Variants in SSBP3 observed in about 807,000 individuals in gnomAD.
SSBP3 encodes single stranded DNA binding protein 3, also known as single-stranded DNA-binding protein 3.
SSBP3 carries 5 observed loss-of-function variants against 69.6 expected under a neutral mutation model. The ratio of observed to expected loss-of-function variants is 0.07; its 90% confidence interval spans 0.04 to 0.15. SSBP3 has a LOEUF of 0.15. Ranked by LOEUF, SSBP3 falls within the 10% of genes least tolerant of loss-of-function variation. The pLI is 1.00. For synonymous variants in SSBP3, 196 were observed against 193.4 expected (o/e 1.01, Z -0.11); for missense variants, 312 against 534.0 (o/e 0.58, Z 4.10).
At chr1:54,237,723 G>C in intron 14 of SSBP3, 1 of 162,870 alleles carries the variant, frequency 6.1e-6, no homozygotes, top group East Asian at 1.7e-4. Flanking sequence ...AGGAAATACA[G>C]TCACAATATT....
At chr1:54,387,076 T>A (rs1261207225) in intron 4 of SSBP3, among the ~76,000 whole-genome samples, 1 of 152,226 alleles carries the variant, frequency 6.6e-6, no homozygotes, top group Non-Finnish European at 1.5e-5. Context: ...TCCATCCGTC[T>A]GTCTTCCTGG....
chr1:54,395,482 C>A (rs1648797678), intron 4 of SSBP3, among the ~76,000 whole-genome samples: 1 of 152,224 alleles, frequency 6.6e-6, no homozygotes, highest in African/African-American at 2.4e-5. Flanking sequence ...GCACAGACAT[C>A]TCAGAGACGC....
At chr1:54,357,039 G>A (rs201248899) in intron 4 of SSBP3, among the ~76,000 whole-genome samples, 4 of 151,996 alleles carry the variant, frequency 2.6e-5, no homozygotes, top group African/African-American at 9.7e-5. Flanking sequence ...GCTCACAGGG[G>A]TAACAGAGGC....
At chr1:54,277,036 TC>T (rs1004730152) in intron 5 of SSBP3, among the ~76,000 whole-genome samples, 5 of 152,110 alleles carry the variant, frequency 3.3e-5, no homozygotes, top group African/African-American at 1.2e-4. Context: ...TATGGTTGAT[TC>T]AGTTCGAGCC....
chr1:54,397,691 T>C (rs1033817153), intron 4 of SSBP3, among the ~76,000 whole-genome samples: 2 of 152,170 alleles, frequency 1.3e-5, no homozygotes, highest in East Asian at 3.8e-4. Flanking sequence ...TGGAACTCCA[T>C]GTCCATTTCA....
Position 54,355,935 on chromosome 1 carries a change from C to T in SSBP3, c.276+45926G>A, listed in dbSNP as rs184151298. Among the ~76,000 whole-genome samples, 91 of 152,318 alleles carry T rather than the reference C, an allele frequency of 6.0e-4. 2 individuals carry two copies. The highest frequency in any genetic ancestry group is 5.6e-4 in the Non-Finnish European group (38 of 68,024). On this transcript the variant is annotated intron_variant, in intron 4 of 17. Transcript: ENST00000610401. ...GGCCAGACCCCATTAACGCAGTGCTCGTGCCATCAACACTGTTGTTTTGGA... is the reference window on the plus strand; with the variant it reads ...GGCCAGACCCCATTAACGCAGTGCTTGTGCCATCAACACTGTTGTTTTGGA...
intron 4 of SSBP3, among the ~76,000 whole-genome samples, chr1:54,381,122 C>T (rs751381963): frequency 6.6e-6 from 1 of 151,896 alleles, no homozygotes; most frequent in Non-Finnish European, 1.5e-5. Flanking sequence ...TGGTGACTCA[C>T]GCCTGTAATC....
intron 14 of SSBP3, among the ~76,000 whole-genome samples, chr1:54,232,646 G>A (rs149864731): frequency 0.016 from 2,449 of 151,848 alleles, 68 homozygotes; most frequent in African/African-American, 0.056. Flanking sequence ...ATGCGGAGCC[G>A]AAGCTGGACT....
chr1:54,269,572 T>A (rs1346102273), intron 5 of SSBP3, among the ~76,000 whole-genome samples: 1 of 152,228 alleles, frequency 6.6e-6, no homozygotes, highest in Non-Finnish European at 1.5e-5. Flanking sequence ...TAGATACGCA[T>A]GTTGGACATA....
chr1:54,292,189 C>A (rs2100950915), intron 4 of SSBP3, among the ~76,000 whole-genome samples: 1 of 152,328 alleles, frequency 6.6e-6, no homozygotes, highest in African/African-American at 2.4e-5. Context: ...GGGAGGAATG[C>A]AACAGTTGGT....
In SSBP3 at chr1:54,316,649, AAAAAAAAAAAT is replaced by A. The variant is rs1179140157; in HGVS notation, c.277-35133_277-35123del. Among the ~76,000 whole-genome samples the A allele has an allele frequency of 3.0e-3, 149 of 49,490 alleles. 5 individuals carry two copies. The East Asian group carries it at 0.033, about 11-fold the overall frequency. The allele number at this position is 49,490 out of a possible 152,430, so 32.5% of individuals were successfully genotyped here. A position where few individuals can be genotyped will look rare whatever the true frequency, so the allele number is the denominator to read the frequency against. Reference sequence around the variant, plus strand: ...GGCGACAGAGCGAGACTCCGTCTCAAAAAAAAAAAATAAAATAAATAAATAAATAAATAAAT... The same window carrying A: ...GGCGACAGAGCGAGACTCCGTCTCAAAAAATAAATAAATAAATAAATAAAT... On this transcript the variant is annotated intron_variant, in intron 4 of 17. Coordinates refer to ENST00000610401, the Ensembl canonical transcript of SSBP3.
chr1:54,280,704 G>C lies in SSBP3; in HGVS notation c.366+734C>G, dbSNP rs1471736830. ...GGCTTAAATCACATGAACCGCCGAG[G>C]AGAAGGTAGAGACAGAGGAGGCGGC... On this transcript the variant is annotated intron_variant, in intron 5 of 17. Coordinates refer to ENST00000610401, the Ensembl canonical transcript of SSBP3. Among the ~76,000 whole-genome samples, 6 of 152,210 alleles carry C rather than the reference G, an allele frequency of 3.9e-5. No individual in the cohort carries two copies. The East Asian group carries it at 9.6e-4, about 24-fold the overall frequency.
chr1:54,326,285 C>G (rs372049783), intron 4 of SSBP3: 2 of 152,484 alleles, frequency 1.3e-5, no homozygotes, highest in East Asian at 3.9e-4. Context: ...CAGCCCCCAC[C>G]GTCATGCCCA....
intron 4 of SSBP3, among the ~76,000 whole-genome samples, chr1:54,392,753 G>T (rs1648587286): frequency 6.6e-6 from 1 of 152,218 alleles, no homozygotes; most frequent in African/African-American, 2.4e-5. Context: ...ATAGGCCCCA[G>T]GAATGGGGTG....
rs1392341648 is a variant in SSBP3 at position 54,404,490 on chromosome 1, C to G, written c.191+86G>C. On this transcript the variant is annotated intron_variant, in intron 3 of 17. Transcript: ENST00000610401. The stretch of plus-strand genomic sequence containing the variant: ...CGCAGAGGGCCACAGGGCGGAGGGC[C>G]TGCTCCAAGCCTCCCTTCTTTGTTC... 1.2e-5 allele frequency: 19 copies of G among 1,534,550 alleles called. No homozygotes were observed. In the Admixed American group the frequency reaches 2.2e-4, roughly 18 times the overall value.
chr1:54,281,735 T>C (rs571846158), intron 4 of SSBP3, among the ~76,000 whole-genome samples: 2 of 152,246 alleles, frequency 1.3e-5, no homozygotes, highest in East Asian at 3.9e-4. Context: ...CACTCAGACC[T>C]GGACTCAATT....
chr1:54,404,544 A>C (rs1447831606), intron 3 of SSBP3, 32 bp downstream of exon 3: 2 of 1,611,956 alleles, frequency 1.2e-6, no homozygotes, highest in East Asian at 2.2e-5. Context: ...CAACAAAACA[A>C]ACACACATGC....
intron 4 of SSBP3, among the ~76,000 whole-genome samples, chr1:54,331,533 C>T (rs976712762): frequency 6.6e-6 from 1 of 152,228 alleles, no homozygotes; most frequent in Non-Finnish European, 1.5e-5. Context: ...CTCCACACCA[C>T]ACCTGTGATC....
chr1:54,293,319 G>A (rs1011381982), intron 4 of SSBP3, among the ~76,000 whole-genome samples: 3 of 151,968 alleles, frequency 2.0e-5, no homozygotes, highest in Non-Finnish European at 2.9e-5. Flanking sequence ...GGAGGCACGC[G>A]GGCTGGTCAG....
Sources: gnomAD v4.1 joint callset for allele counts (sites outside exome capture counted in the v4.1 genomes callset) on GRCh38, gnomAD v4.1.1 for gene constraint, MANE v1.5 for transcripts, NCBI Gene and HGNC (gene_info 2026-07-23, HGNC 2026-07-21) for gene names.